The following DAAM2 variants were observed in gnomAD, a reference collection of about 807,000 sequenced individuals.
The protein encoded by DAAM2 is disheveled-associated activator of morphogenesis 2.
Under a neutral mutation model 120.7 loss-of-function variants are expected in DAAM2, and 39 were observed. The ratio of observed to expected loss-of-function variants is 0.32; its 90% CI spans 0.25 to 0.42. The LOEUF (loss-of-function observed/expected upper bound fraction) is 0.42, where lower values mean the gene tolerates loss of function less well. DAAM2 is among the 10% of genes least tolerant of loss of function. The probability of loss-of-function intolerance (pLI) is 1.00; values close to 1 mark genes in which losing one functional copy is unlikely to be tolerated. For synonymous variants in DAAM2, 488 were observed against 524.9 expected, an observed-to-expected ratio of 0.93 and a Z score of 0.96; for missense variants, 1,283 against 1,401.7, an observed-to-expected ratio of 0.92 and a Z score of 1.35.
intron 1 of DAAM2, among the ~76,000 whole-genome samples, chr6:39,812,183 C>A (rs1361521339): frequency 6.6e-6 from 1 of 152,160 alleles, no homozygotes; most frequent in African/African-American, 2.4e-5. Flanking sequence ...GCAGTCAGAC[C>A]TTCTGCAGCT....
chr6:39,879,535 C>G, intron 14 of DAAM2, 58 bp downstream of exon 14: 1 of 1,608,130 alleles, frequency 6.2e-7, no homozygotes, highest in Non-Finnish European at 8.5e-7. Context: ...CAGTCAGCCT[C>G]AGGGACCACC....
rs924301997 is a variant in DAAM2, at chr6:39,901,855, A to C, written c.3025A>C (p.Lys1009Gln). 8.3e-6 allele frequency: 13 copies of C among 1,573,776 alleles called. No homozygotes were observed. The highest frequency in any genetic ancestry group is 1.0e-5 in the Non-Finnish European group (12 of 1,156,660). ...ACGTGAGCGGTGGCAGCGGCAGCGG[A>C]AGGTCCTGGCTGCAGGCAGCTCGCT... ...RERERWQRQR[K>Q]VLAAGSSLEE... is the part of the protein sequence containing the mutation. Residue 1009 changes from lysine to glutamine, a missense_variant, in exon 25 of 25, where the codon AAG becomes CAG. Lys to Gln is a moderately conservative substitution (Grantham distance 53). Transcript: ENST00000274867. This position sits in a 1 kb window ranked among gnomAD's most constrained non-coding sequence, Gnocchi z 4.5.
Position 39,901,459 on chromosome 6 carries a change from G to A in DAAM2, c.2969G>A (p.Arg990His), listed in dbSNP as rs199589116. ...RRKEEEERRA[R>H]MEAMLKEQRE... is the part of the protein sequence containing the mutation. ...AAGGAGGAGGAGGAGCGGCGGGCGC[G>A]CATGGAAGCCATGGTGAGGGGCAGT... Residue 990 changes from arginine to histidine, a missense_variant, in exon 24 of 25, where the codon CGC becomes CAC. By Grantham distance (29) the Arg-to-His change is conservative (BLOSUM62 0). Around this residue, in one of 3 missense-constraint regions of DAAM2, gnomAD observed 748 missense variants for 768.6 expected, o/e 0.97. Transcript: ENST00000274867. This position sits in a 1 kb window ranked among gnomAD's most constrained non-coding sequence, Gnocchi z 4.5. The A allele has an allele frequency of 5.8e-5, 93 of 1,607,368 alleles. No individual in the cohort carries two copies. In the Admixed American group the frequency reaches 7.0e-4, roughly 12 times the overall value.
Position 39,883,996 on chromosome 6 carries a change from A to T in DAAM2, c.1880A>T (p.Asp627Val). Residue 627 changes from aspartate to valine, a missense_variant, in exon 15 of 25, where the codon GAT becomes GTT. Transcript: ENST00000274867. ...CCTGGCACCGTATGGAATGAGATTGATGACATGCAGGTATTTCGGATCCTG... is the reference window on the plus strand; with the variant it reads ...CCTGGCACCGTATGGAATGAGATTGTTGACATGCAGGTATTTCGGATCCTG... ...RVPGTVWNEI[D>V]DMQVFRILDL... 3 of 1,613,518 alleles carry T rather than the reference A, an allele frequency of 1.9e-6. No homozygotes were observed. Among genetic ancestry groups the T allele is most frequent in the Non-Finnish European group, 2.5e-6 (3 of 1,179,570 alleles).
rs1766305315 is a variant in DAAM2, at chr6:39,899,018, CAG to C, written c.2679+82_2679+83del. The C allele has an allele frequency of 9.8e-6, 10 of 1,020,952 alleles. No individual in the cohort carries two copies. In the South Asian group the frequency reaches 1.0e-4, roughly 11 times the overall value. 63.2% of individuals were successfully genotyped at this position (1,020,952 alleles called of 1,614,324 possible). On this transcript the variant is annotated intron_variant, in intron 22 of 24. Transcript: ENST00000274867. The stretch of plus-strand genomic sequence containing the variant: ...CGTCACTGCACCCTAAGCTCCTACA[CAG>C]GGGCAAAAAACAATGGGTACAGCCT...
rs1764099877 is a variant in DAAM2 at position 39,858,698 on chromosome 6, A to C, written c.168+2228A>C. ...AGTGCCTGGTACATAGTAACTCTACATAAGTACATCATAGTAGAGACGTAC... is the reference window on the plus strand; with the variant it reads ...AGTGCCTGGTACATAGTAACTCTACCTAAGTACATCATAGTAGAGACGTAC... On this transcript the variant is annotated intron_variant, in intron 2 of 24. Coordinates refer to ENST00000274867, the MANE Select transcript of DAAM2 (RefSeq NM_001201427.2). 2.6e-5 allele frequency among the ~76,000 whole-genome samples: 4 copies of C among 152,222 alleles called. No individual in the cohort carries two copies. The South Asian group carries it at 8.3e-4, about 32-fold the overall frequency.
chr6:39,865,751 A>C (rs930860303), intron 5 of DAAM2, among the ~76,000 whole-genome samples: 2 of 152,236 alleles, frequency 1.3e-5, no homozygotes, highest in African/African-American at 2.4e-5. Context: ...GCTATGATTA[A>C]AATTTCAATT....
intron 19 of DAAM2, 185 bp downstream of exon 19, chr6:39,891,907 A>G: frequency 3.3e-6 from 2 of 602,774 alleles, no homozygotes; most frequent in Non-Finnish European, 5.9e-6. Context: ...TGCTTATATT[A>G]GCACATGCGC....
chr6:39,901,825 A>G lies in DAAM2; in HGVS notation c.2995A>G (p.Arg999Gly). ...ARMEAMLKEQ[R>G]ERERWQRQRK... The stretch of plus-strand genomic sequence containing the variant: ...CCCCCGCCCGCAGCTGAAGGAGCAG[A>G]GGGAACGTGAGCGGTGGCAGCGGCA... Residue 999 changes from arginine to glycine, a missense_variant, in exon 25 of 25, where the codon AGG (arginine) becomes GGG (glycine). Arg to Gly is a moderately radical substitution (Grantham distance 125). This residue lies in a region of DAAM2 where 748 missense variants were observed against 768.6 expected (regional missense o/e 0.97). Coordinates refer to ENST00000274867, the MANE Select transcript of DAAM2 (RefSeq NM_001201427.2). This position sits in a 1 kb window ranked among gnomAD's most constrained non-coding sequence, Gnocchi z 4.5. The G allele has an allele frequency of 6.5e-7, 1 of 1,547,916 alleles. No homozygotes were observed. Among genetic ancestry groups the G allele is most frequent in the Non-Finnish European group, 8.7e-7 (1 of 1,144,706 alleles).
rs745464894 is a variant in DAAM2, at chr6:39,816,272, GTATT to G, written c.-57+23813_-57+23816del. Among the ~76,000 whole-genome samples the G allele has an allele frequency of 1.2e-4, 19 of 152,280 alleles. No individual in the cohort carries two copies. In the East Asian group the frequency reaches 3.7e-3, roughly 29 times the overall value. On this transcript the variant is annotated intron_variant, in intron 1 of 24. Transcript: ENST00000274867. ...TGAGGTCCCACAGTTTGACTGCAAT[GTATT>G]TATTTTTGCAATGGGGCATATTGCT...
chr6:39,890,620 C>T (rs960714385), intron 17 of DAAM2, among the ~76,000 whole-genome samples: 5 of 152,172 alleles, frequency 3.3e-5, no homozygotes, highest in African/African-American at 1.2e-4. Flanking sequence ...TGAAAAATAA[C>T]TTTCCTGGGG....
chr6:39,876,130 T>C (rs1190823191), intron 11 of DAAM2, among the ~76,000 whole-genome samples: 3 of 152,248 alleles, frequency 2.0e-5, no homozygotes, highest in Non-Finnish European at 4.4e-5. Context: ...CCTTCTGGTT[T>C]ACCATATTTT....
intron 11 of DAAM2, among the ~76,000 whole-genome samples, chr6:39,877,062 G>A (rs937429213): frequency 6.6e-6 from 1 of 152,224 alleles, no homozygotes; most frequent in Non-Finnish European, 1.5e-5. Context: ...TGTTCCAGCT[G>A]GCTGGCTGCT....
chr6:39,892,203 C>T (rs897756575), intron 19 of DAAM2, among the ~76,000 whole-genome samples: 6 of 152,206 alleles, frequency 3.9e-5, no homozygotes, highest in African/African-American at 1.4e-4. Context: ...AGGAACACTT[C>T]CAATACAGGC....
At position 39,896,796 on chromosome 6, in the gene DAAM2, G is replaced by T. The variant is rs1049268979; in HGVS notation, c.2342-16G>T. 1.9e-6 allele frequency: 3 copies of T among 1,575,994 alleles called. No homozygotes were observed. The highest frequency in any genetic ancestry group is 1.2e-5 in the South Asian group (1 of 84,944). On this transcript the variant is annotated splice_polypyrimidine_tract_variant and intron_variant, in intron 19 of 24. Coordinates refer to ENST00000274867, the MANE Select transcript of DAAM2 (RefSeq NM_001201427.2). Reference sequence around the variant, plus strand: ...CCTAGCCCATGCAGGCCTCTGACCTGTGCCTCCTCTCCCAGCCATCCTGTT... The same window carrying T: ...CCTAGCCCATGCAGGCCTCTGACCTTTGCCTCCTCTCCCAGCCATCCTGTT...
At chr6:39,801,609 T>C (rs2987591) in intron 1 of DAAM2, among the ~76,000 whole-genome samples, 132,345 of 152,236 alleles carry the variant, frequency 0.87, 59,258 homozygotes, top group Non-Finnish European at 0.99. Context: ...TGATTCCTCC[T>C]GATGGGTGTT....
At chr6:39,862,805 C>CAAAAAAAAAAAAAA (rs60238956) in intron 3 of DAAM2, 2 of 50,660 alleles carry the variant, frequency 3.9e-5, no homozygotes, top group Non-Finnish European at 6.8e-5. Flanking sequence ...AACTCCATCT[C>CAAAAAAAAAAAAAA]AAAAAAAAAA....
At chr6:39,813,030 C>T (rs1281504258) in intron 1 of DAAM2, among the ~76,000 whole-genome samples, 1 of 152,088 alleles carries the variant, frequency 6.6e-6, no homozygotes, top group Non-Finnish European at 1.5e-5. Flanking sequence ...GACACCTCCC[C>T]TCCCCAGCCA....
At position 39,826,483 on chromosome 6, in the gene DAAM2, C is replaced by G. The variant is rs557247439; in HGVS notation, c.-56-29764C>G. Reference sequence around the variant, plus strand: ...GGGGGACTCTCGACTCCTTCTCTTTCTCTCTTTTTCATTTCCAGTGGAATC... The same window carrying G: ...GGGGGACTCTCGACTCCTTCTCTTTGTCTCTTTTTCATTTCCAGTGGAATC... On this transcript the variant is annotated intron_variant, in intron 1 of 24. Transcript: ENST00000274867. 1.7e-3 allele frequency among the ~76,000 whole-genome samples: 260 copies of G among 152,248 alleles called. 1 individual carries two copies. Among genetic ancestry groups the G allele is most frequent in the South Asian group, 8.1e-3 (39 of 4,820 alleles).
Sources: allele counts gnomAD v4.1 joint callset (sites outside exome capture counted in the v4.1 genomes callset), GRCh38; gene constraint gnomAD v4.1.1; regional missense constraint gnomAD v4.1.1; non-coding constraint Gnocchi (gnomAD v3.1); transcripts MANE v1.5; gene names NCBI Gene and HGNC (gene_info 2026-07-23, HGNC 2026-07-21).